Variants in SORCS3 observed in about 807,000 individuals in gnomAD.
SORCS3 encodes VPS10 domain-containing receptor SorCS3.
A neutral mutation model predicts 146.3 loss-of-function variants in SORCS3; 57 were observed. The observed-to-expected ratio is 0.39, with a 90% CI of 0.31 to 0.49. The LOEUF is 0.49. Ranked by LOEUF, SORCS3 falls within the 20% of genes least tolerant of loss-of-function variation. The pLI, the probability that SORCS3 is intolerant of heterozygous loss-of-function variation, is 0.92. For missense variants in SORCS3, 1,341 were observed against 1,575.5 expected, an observed-to-expected ratio of 0.85 and a Z score of 2.52; for synonymous variants, 653 against 618.5, an observed-to-expected ratio of 1.06 and a Z score of -0.83.
At chr10:105,168,560 C>G (rs981152239) in intron 13 of SORCS3, among the ~76,000 whole-genome samples, 3 of 152,084 alleles carry the variant, frequency 2.0e-5, no homozygotes, top group Non-Finnish European at 2.9e-5. Context: ...GGACCCTAGC[C>G]TAACTACCAG....
chr10:105,122,478 G>A (rs893501566), intron 7 of SORCS3, among the ~76,000 whole-genome samples: 7 of 152,206 alleles, frequency 4.6e-5, no homozygotes, highest in African/African-American at 1.7e-4. Flanking sequence ...CCAGTACTGT[G>A]ACTGGTTCTC....
intron 7 of SORCS3, among the ~76,000 whole-genome samples, chr10:105,129,529 TTA>T (rs750878006): frequency 5.3e-5 from 8 of 151,944 alleles, no homozygotes; most frequent in East Asian, 3.9e-4. Flanking sequence ...ACTGAAAGTA[TTA>T]GCTCTTATTA....
chr10:104,839,914 G>C (rs1423551677), intron 1 of SORCS3, among the ~76,000 whole-genome samples: 1 of 152,200 alleles, frequency 6.6e-6, no homozygotes, highest in Admixed American at 6.5e-5. Context: ...AGACAGGCAG[G>C]TAGGCTGGCT....
chr10:105,261,742 T>C (rs974214325), intron 25 of SORCS3, among the ~76,000 whole-genome samples: 6 of 152,208 alleles, frequency 3.9e-5, no homozygotes, highest in Non-Finnish European at 5.9e-5. Context: ...ATAGAGCTAT[T>C]TAGCTTCTCT....
chr10:104,818,408 CT>C (rs2017832222), intron 1 of SORCS3, among the ~76,000 whole-genome samples: 1 of 150,598 alleles, frequency 6.6e-6, no homozygotes. Context: ...TTCCTTCTTT[CT>C]CTCTTTTTTT....
At chr10:104,794,312 C>T (rs2017526944) in intron 1 of SORCS3, among the ~76,000 whole-genome samples, 1 of 152,114 alleles carries the variant, frequency 6.6e-6, no homozygotes, top group Admixed American at 6.6e-5. Flanking sequence ...ATGAGATACT[C>T]CCCAGTGAGC....
chr10:105,196,464 G>A (rs529500865), intron 14 of SORCS3, among the ~76,000 whole-genome samples: 2 of 152,312 alleles, frequency 1.3e-5, no homozygotes, highest in Admixed American at 1.3e-4. Context: ...AATTAGCTGA[G>A]TGTGGTGATG....
intron 1 of SORCS3, among the ~76,000 whole-genome samples, chr10:104,659,109 T>C (rs1176245363): frequency 6.6e-6 from 1 of 152,220 alleles, no homozygotes; most frequent in Admixed American, 6.5e-5. Flanking sequence ...AAGAAGTTGC[T>C]CATACTCATG....
intron 3 of SORCS3, among the ~76,000 whole-genome samples, chr10:104,967,727 T>G (rs1231285719): frequency 6.6e-6 from 1 of 151,992 alleles, no homozygotes; most frequent in Admixed American, 6.6e-5. Context: ...CAGGCTGGAG[T>G]GTAGTGGTGT....
At chr10:104,964,446 A>G (rs1418026593) in intron 3 of SORCS3, among the ~76,000 whole-genome samples, 1 of 152,186 alleles carries the variant, frequency 6.6e-6, no homozygotes, top group Non-Finnish European at 1.5e-5. Flanking sequence ...ACCATCTGAT[A>G]TGCCACATGT....
intron 13 of SORCS3, among the ~76,000 whole-genome samples, chr10:105,170,785 G>A (rs1289419183): frequency 1.3e-5 from 2 of 152,312 alleles, no homozygotes; most frequent in East Asian, 1.9e-4. Context: ...CAAAGGCTAA[G>A]TGAGTGTTTT....
intron 1 of SORCS3, among the ~76,000 whole-genome samples, chr10:104,837,379 A>G (rs2133542033): frequency 6.6e-6 from 1 of 152,316 alleles, no homozygotes; most frequent in Middle Eastern, 3.4e-3. Context: ...TTCCAGCTAT[A>G]CACACACACA....
intron 13 of SORCS3, among the ~76,000 whole-genome samples, chr10:105,175,379 A>C (rs1427484186): frequency 6.6e-6 from 1 of 152,036 alleles, no homozygotes; most frequent in Non-Finnish European, 1.5e-5. Context: ...TTGATAAGGA[A>C]ATCCTGAGAA....
intron 4 of SORCS3, among the ~76,000 whole-genome samples, chr10:104,978,395 G>A (rs187659164): frequency 6.7e-4 from 102 of 152,238 alleles, no homozygotes; most frequent in African/African-American, 2.3e-3. Context: ...CTCCAAATAC[G>A]TATATTCAGC....
intron 2 of SORCS3, among the ~76,000 whole-genome samples, chr10:104,855,636 GA>G (rs1302910562): frequency 5.3e-5 from 8 of 152,262 alleles, no homozygotes; most frequent in African/African-American, 1.7e-4. Context: ...CAACTGACCA[GA>G]AAATGAAATG....
intron 1 of SORCS3, among the ~76,000 whole-genome samples, chr10:104,715,198 T>G (rs1361718103): frequency 6.6e-6 from 1 of 152,146 alleles, no homozygotes; most frequent in Non-Finnish European, 1.5e-5. Flanking sequence ...GGGACCAGCA[T>G]TTGAATCAGT....
At chr10:104,711,342 G>A (rs2016414138) in intron 1 of SORCS3, among the ~76,000 whole-genome samples, 1 of 152,190 alleles carries the variant, frequency 6.6e-6, no homozygotes, top group African/African-American at 2.4e-5. Context: ...TTTACTGCGG[G>A]CCATGCACTG....
intron 2 of SORCS3, among the ~76,000 whole-genome samples, chr10:104,882,652 A>G (rs1045038540): frequency 1.3e-5 from 2 of 152,128 alleles, no homozygotes; most frequent in African/African-American, 4.8e-5. Context: ...GGGAAGATAC[A>G]TCCAGATGGC....
At chr10:104,642,210 T>C (rs1208930140) in intron 1 of SORCS3, among the ~76,000 whole-genome samples, 4 of 152,164 alleles carry the variant, frequency 2.6e-5, no homozygotes, top group African/African-American at 9.7e-5. Context: ...AAGGGGCTTC[T>C]TAAAGATGAG....
Sources: gnomAD v4.1 joint callset for allele counts (sites outside exome capture counted in the v4.1 genomes callset) on GRCh38, gnomAD v4.1.1 for gene constraint, MANE v1.5 for transcripts, NCBI Gene and HGNC (gene_info 2026-07-23, HGNC 2026-07-21) for gene names.